TMEM117: variants seen among roughly 807,000 people sequenced by gnomAD.
TMEM117 encodes the protein transmembrane protein 117.
Under a neutral mutation model 52.4 loss-of-function variants are expected in TMEM117, and 27 were observed. The observed-to-expected ratio is 0.51, with a 90% CI of 0.38 to 0.71. TMEM117 has a LOEUF of 0.71. TMEM117 is among the 30% of genes least tolerant of loss of function. TMEM117 has a pLI of 0.00. For synonymous variants in TMEM117, 215 were observed against 206.3 expected, an observed-to-expected ratio of 1.04 and a Z score of -0.36; for missense variants, 556 against 630.5, an observed-to-expected ratio of 0.88 and a Z score of 1.26.
intron 3 of TMEM117, among the ~76,000 whole-genome samples, chr12:44,000,712 T>A (rs1252154613): frequency 6.6e-6 from 1 of 152,166 alleles, no homozygotes; most frequent in Non-Finnish European, 1.5e-5. Context: ...TGAATCTCCC[T>A]GGAGAGAAGT....
intron 3 of TMEM117, among the ~76,000 whole-genome samples, chr12:43,965,505 A>G (rs1166512040): frequency 6.6e-6 from 1 of 152,218 alleles, no homozygotes; most frequent in African/African-American, 2.4e-5. Flanking sequence ...GAAAGTTCTC[A>G]TCTGCCCAAA....
At chr12:44,012,114 A>G (rs1253491098) in intron 3 of TMEM117, among the ~76,000 whole-genome samples, 3 of 152,194 alleles carry the variant, frequency 2.0e-5, no homozygotes, top group Admixed American at 6.5e-5. Flanking sequence ...ATTTCACCCC[A>G]GTCTCTTTTT....
At chr12:44,152,582 T>C (rs868791812) in intron 4 of TMEM117, among the ~76,000 whole-genome samples, 5 of 122,784 alleles carry the variant, frequency 4.1e-5, no homozygotes, top group African/African-American at 1.6e-4. Flanking sequence ...AATTTATATA[T>C]ATAATATTTA....
At chr12:44,342,830 T>C (rs1007117493) in intron 6 of TMEM117, among the ~76,000 whole-genome samples, 1 of 152,106 alleles carries the variant, frequency 6.6e-6, no homozygotes, top group African/African-American at 2.4e-5. Context: ...AACATTCTTC[T>C]TGATAAATAA....
intron 3 of TMEM117, among the ~76,000 whole-genome samples, chr12:44,093,675 G>A (rs894712044): frequency 2.6e-5 from 4 of 151,798 alleles, no homozygotes; most frequent in African/African-American, 7.3e-5. Flanking sequence ...TCATTGAATA[G>A]CATTACATAG....
At chr12:44,139,982 T>C (rs1948548457) in intron 3 of TMEM117, among the ~76,000 whole-genome samples, 1 of 152,184 alleles carries the variant, frequency 6.6e-6, no homozygotes, top group Non-Finnish European at 1.5e-5. Context: ...TGCATATTTG[T>C]AATTCTTCTT....
the TMEM117 span, among the ~76,000 whole-genome samples, chr12:43,806,602 G>T: frequency 1.3e-5 from 2 of 152,166 alleles, no homozygotes; most frequent in Non-Finnish European, 2.9e-5. Flanking sequence ...GCCGCCATTC[G>T]CTGCCTCAGC....
intron 2 of TMEM117, among the ~76,000 whole-genome samples, chr12:43,922,160 T>C (rs1592365917): frequency 6.6e-6 from 1 of 152,236 alleles, no homozygotes; most frequent in East Asian, 1.9e-4. Context: ...AACACTTGTG[T>C]GGTCTCTCTT....
the TMEM117 span, among the ~76,000 whole-genome samples, chr12:43,809,731 G>A: frequency 6.6e-6 from 1 of 152,094 alleles, no homozygotes; most frequent in South Asian, 2.1e-4. Context: ...GATTTATAAA[G>A]CATTAAATAA....
At chr12:44,010,443 G>C (rs1393962339) in intron 3 of TMEM117, among the ~76,000 whole-genome samples, 1 of 152,122 alleles carries the variant, frequency 6.6e-6, no homozygotes, top group Non-Finnish European at 1.5e-5. Flanking sequence ...TCGGAGCCTT[G>C]GAAGGGGCCC....
intron 5 of TMEM117, among the ~76,000 whole-genome samples, chr12:44,286,472 T>C (rs1950640416): frequency 1.3e-5 from 2 of 152,158 alleles, no homozygotes; most frequent in African/African-American, 4.8e-5. Context: ...AATTGCATGA[T>C]AGTTAACCAC....
At chr12:44,073,668 G>A (rs1376453909) in intron 3 of TMEM117, 1 of 152,270 alleles carries the variant, frequency 6.6e-6, no homozygotes, top group East Asian at 1.9e-4. Context: ...TACTGTTGGA[G>A]GTTGGAGCAA....
At chr12:44,141,390 C>G (rs1334108939) in intron 3 of TMEM117, among the ~76,000 whole-genome samples, 1 of 152,092 alleles carries the variant, frequency 6.6e-6, no homozygotes, top group African/African-American at 2.4e-5. Context: ...TCCTCCCACC[C>G]TTTTCCCTCT....
chr12:44,099,635 G>A (rs1947829328), intron 3 of TMEM117, among the ~76,000 whole-genome samples: 1 of 151,968 alleles, frequency 6.6e-6, no homozygotes, highest in South Asian at 2.1e-4. Flanking sequence ...TCTAGATGAA[G>A]CCTGAATGCA....
At chr12:44,250,998 G>A (rs1311484747) in intron 5 of TMEM117, among the ~76,000 whole-genome samples, 2 of 152,116 alleles carry the variant, frequency 1.3e-5, no homozygotes, top group Non-Finnish European at 2.9e-5. Flanking sequence ...GGATCTTAAA[G>A]TAAAATAAAA....
intron 4 of TMEM117, among the ~76,000 whole-genome samples, chr12:44,189,208 A>G (rs1949319458): frequency 6.6e-6 from 1 of 152,288 alleles, no homozygotes; most frequent in East Asian, 1.9e-4. Context: ...AAATATATGA[A>G]TGAATAACTC....
At chr12:43,828,146 G>C in the TMEM117 span, among the ~76,000 whole-genome samples, 1 of 152,208 alleles carries the variant, frequency 6.6e-6, no homozygotes, top group Non-Finnish European at 1.5e-5. Flanking sequence ...TGTTACGGCA[G>C]CCTGGAAAAT....
chr12:43,892,563 G>C (rs1944126712), intron 2 of TMEM117, among the ~76,000 whole-genome samples: 1 of 152,172 alleles, frequency 6.6e-6, no homozygotes, highest in African/African-American at 2.4e-5. Context: ...TTGCAAGCAG[G>C]CTTTTCTAAG....
intron 6 of TMEM117, among the ~76,000 whole-genome samples, chr12:44,329,876 A>G (rs1951245323): frequency 1.3e-5 from 2 of 152,022 alleles, no homozygotes; most frequent in African/African-American, 2.4e-5. Flanking sequence ...ATGTCTTTGT[A>G]TGTATATACC....
Sources: gnomAD v4.1 joint callset for allele counts (sites outside exome capture counted in the v4.1 genomes callset) on GRCh38, gnomAD v4.1.1 for gene constraint, MANE v1.5 for transcripts, NCBI Gene and HGNC (gene_info 2026-07-23, HGNC 2026-07-21) for gene names.